Variants in SCARB1 observed in about 807,000 individuals in gnomAD.
The protein encoded by SCARB1 is CD36 and LIMPII analogous 1.
A neutral mutation model predicts 57.2 loss-of-function variants in SCARB1; 30 were observed. That is an observed-to-expected ratio of 0.52 (90% CI 0.39 to 0.71). SCARB1 has a LOEUF of 0.71. Ranked by LOEUF, SCARB1 falls within the 30% of genes least tolerant of loss-of-function variation. The pLI is 0.00. For missense variants in SCARB1, 543 were observed against 671.2 expected, an observed-to-expected ratio of 0.81 and a Z score of 2.11; for synonymous variants, 249 against 268.3, an observed-to-expected ratio of 0.93 and a Z score of 0.70.
chr12:124,840,507 C>T (rs1341514627), intron 1 of SCARB1, among the ~76,000 whole-genome samples: 1 of 152,052 alleles, frequency 6.6e-6, no homozygotes, highest in Non-Finnish European at 1.5e-5. Flanking sequence ...GTGCTTGGTC[C>T]GTGTTTTAAT....
chr12:124,809,867 G>C (rs1271713121), intron 6 of SCARB1, among the ~76,000 whole-genome samples: 3 of 152,200 alleles, frequency 2.0e-5, no homozygotes, highest in African/African-American at 7.2e-5. Context: ...CCAGACGCCA[G>C]AGGGAGCCCA....
At position 124,789,506 on chromosome 12, in the gene SCARB1, G is replaced by A. The variant is rs369320785; in HGVS notation, c.1203-2049C>T. 2.5e-4 allele frequency among the ~76,000 whole-genome samples: 38 copies of A among 152,206 alleles called. No homozygotes were observed. The highest frequency in any genetic ancestry group is 5.8e-4 in the African/African-American group (24 of 41,526). On this transcript the variant is annotated intron_variant, in intron 9 of 12. Coordinates refer to ENST00000261693, the MANE Select transcript of SCARB1 (RefSeq NM_005505.5). The surrounding 1 kb of genome is among the most constrained non-coding windows in gnomAD (Gnocchi z 4.4). The stretch of plus-strand genomic sequence containing the variant: ...ATCAAGGCTCTCAGATGGGGAGAGC[G>A]TCCTGGAATATCTAGGTGGGTCCAT...
chr12:124,840,424 C>T (rs1337974947), intron 1 of SCARB1, among the ~76,000 whole-genome samples: 1 of 152,188 alleles, frequency 6.6e-6, no homozygotes, highest in Non-Finnish European at 1.5e-5. Context: ...GATCCGCCCA[C>T]CTTGGCCTCC....
Position 124,830,562 on chromosome 12 carries a change from G to A in SCARB1, c.127-12855C>T, listed in dbSNP as rs375538584. Among the ~76,000 whole-genome samples, 13 of 152,208 alleles carry A rather than the reference G, an allele frequency of 8.5e-5. No individual in the cohort carries two copies. In the South Asian group the frequency reaches 1.2e-3, roughly 15 times the overall value. Reference sequence around the variant, plus strand: ...AGGGTAAATCACACACAGGGACCACGTGCATGAGTCCATATAAGTGACGTC... The same window carrying A: ...AGGGTAAATCACACACAGGGACCACATGCATGAGTCCATATAAGTGACGTC... On this transcript the variant is annotated intron_variant, in intron 1 of 12. Transcript: ENST00000261693.
intron 1 of SCARB1, among the ~76,000 whole-genome samples, chr12:124,833,061 A>G (rs1951475392): frequency 6.6e-6 from 1 of 151,732 alleles, no homozygotes; most frequent in African/African-American, 2.4e-5. Context: ...CTGTCCCCTT[A>G]TCACTCCAAC....
Position 124,860,611 on chromosome 12 carries a change from G to A in SCARB1, c.126+2984C>T, listed in dbSNP as rs1594418004. Among the ~76,000 whole-genome samples, 3 of 152,230 alleles carry A rather than the reference G, an allele frequency of 2.0e-5. No individual in the cohort carries two copies. The South Asian group carries it at 6.2e-4, about 32-fold the overall frequency. On this transcript the variant is annotated intron_variant, in intron 1 of 12. Transcript: ENST00000261693. ...TGCAGCAACAGAGCTGTGCAGAAGG[G>A]CAATTTGGCCGTAATCATCAAAACT...
intron 8 of SCARB1, among the ~76,000 whole-genome samples, 155 bp from the exon 9 acceptor site, chr12:124,795,423 G>T (rs1480997722): frequency 1.7e-5 from 2 of 118,190 alleles, no homozygotes; most frequent in East Asian, 5.2e-4. Context: ...CCACAGGCTG[G>T]GGGGGGTCAA....
Position 124,782,748 on chromosome 12 carries a change from C to T in SCARB1, c.1465G>A (p.Ala489Thr). The stretch of plus-strand genomic sequence containing the variant: ...GATGTCATCAGGGATTCAGAATAGG[C>T]CTGAATGGCCTCCTTATCCTTTGAG... ...KGSKDKEAIQ[A>T]YSESLMTSAP... is the part of the protein sequence containing the mutation. The change falls in exon 12 of 13, where the codon GCC (alanine) becomes ACC (threonine). Residue 489 changes from alanine (A) to threonine (T), a missense_variant. Transcript: ENST00000261693. 6.2e-7 allele frequency: 1 copy of T among 1,613,506 alleles called. No homozygotes were observed. Among genetic ancestry groups the T allele is most frequent in the Non-Finnish European group, 8.5e-7 (1 of 1,179,436 alleles).
chr12:124,830,302 G>A (rs1249616826), intron 1 of SCARB1, among the ~76,000 whole-genome samples: 2 of 152,170 alleles, frequency 1.3e-5, no homozygotes, highest in Non-Finnish European at 2.9e-5. Context: ...AAAGCTGGAC[G>A]TTCACCCTAC....
At position 124,844,315 on chromosome 12, in the gene SCARB1, C is replaced by T. The variant is rs559257593; in HGVS notation, c.126+19280G>A. 1.2e-4 allele frequency among the ~76,000 whole-genome samples: 18 copies of T among 152,310 alleles called. 1 individual carries two copies. The South Asian group carries it at 2.7e-3, about 23-fold the overall frequency. On this transcript the variant is annotated intron_variant, in intron 1 of 12. Transcript: ENST00000261693. ...ATGGAAAAGCCGCCCTCTCCTCAGA[C>T]GTGACAGGCCACATGAAGGGGGCCT...
At chr12:124,855,316 G>A (rs1952583210) in intron 1 of SCARB1, among the ~76,000 whole-genome samples, 1 of 152,110 alleles carries the variant, frequency 6.6e-6, no homozygotes, top group Admixed American at 6.5e-5. Context: ...CTTGGGCCAT[G>A]AGGCTTCCTG....
At chr12:124,828,455 G>A (rs575066468) in intron 1 of SCARB1, among the ~76,000 whole-genome samples, 20 of 152,266 alleles carry the variant, frequency 1.3e-4, no homozygotes, top group African/African-American at 4.6e-4. Context: ...AAGACACAGG[G>A]ATGAACACGA....
At chr12:124,841,253 T>A (rs1328393494) in intron 1 of SCARB1, among the ~76,000 whole-genome samples, 1 of 151,760 alleles carries the variant, frequency 6.6e-6, no homozygotes, top group Non-Finnish European at 1.5e-5. Flanking sequence ...GCGCCTGTAG[T>A]CCCAGCTACG....
rs142499124 is a variant in SCARB1, at chr12:124,854,388, C to T, written c.126+9207G>A. Among the ~76,000 whole-genome samples the T allele has an allele frequency of 1.4e-3, 206 of 152,250 alleles. 1 individual carries two copies. Among genetic ancestry groups the T allele is most frequent in the African/African-American group, 4.8e-3 (199 of 41,556 alleles). On this transcript the variant is annotated intron_variant, in intron 1 of 12. Transcript: ENST00000261693. ...AGGGGTGGATGGCACAGGCCCTGGG[C>T]CAGGTTAGGACCTGGCTGTGACTCC...
intron 1 of SCARB1, among the ~76,000 whole-genome samples, chr12:124,843,154 C>A (rs1457290632): frequency 1.3e-5 from 2 of 152,168 alleles, no homozygotes; most frequent in East Asian, 3.8e-4. Flanking sequence ...CCCTATTTTA[C>A]CTTCCTTATT....
At chr12:124,820,397 G>A (rs1379385748) in intron 1 of SCARB1, among the ~76,000 whole-genome samples, 1 of 152,112 alleles carries the variant, frequency 6.6e-6, no homozygotes, top group Non-Finnish European at 1.5e-5. Flanking sequence ...TCTTCCTGGG[G>A]GAGGTGGTAT....
chr12:124,845,166 G>A (rs1952090329), intron 1 of SCARB1, among the ~76,000 whole-genome samples: 1 of 152,230 alleles, frequency 6.6e-6, no homozygotes, highest in South Asian at 2.1e-4. Flanking sequence ...GAAGCCAAGC[G>A]AGTTCCCGAA....
chr12:124,816,047 T>C (rs1023223420), intron 2 of SCARB1, among the ~76,000 whole-genome samples: 1 of 152,084 alleles, frequency 6.6e-6, no homozygotes, highest in African/African-American at 2.4e-5. Context: ...CTTCAGACCT[T>C]TGCACATGCT....
intron 2 of SCARB1, among the ~76,000 whole-genome samples, chr12:124,815,758 C>T (rs558412103): frequency 1.2e-4 from 19 of 152,194 alleles, no homozygotes; most frequent in African/African-American, 3.6e-4. Context: ...CCCAGCTACT[C>T]GGGAGGCTGA....
Sources: allele counts gnomAD v4.1 joint callset (sites outside exome capture counted in the v4.1 genomes callset), GRCh38; gene constraint gnomAD v4.1.1; non-coding constraint Gnocchi (gnomAD v3.1); transcripts MANE v1.5; gene names NCBI Gene and HGNC (gene_info 2026-07-23, HGNC 2026-07-21).